Variants in SMAD4 observed in about 807,000 individuals in gnomAD.
The protein encoded by SMAD4 is MAD homolog 4.
A neutral mutation model predicts 63.2 loss-of-function variants in SMAD4; 7 were observed. The ratio of observed to expected loss-of-function variants is 0.11; its 90% CI spans 0.06 to 0.21. The LOEUF (loss-of-function observed/expected upper bound fraction) is 0.21. SMAD4 is among the 10% of genes least tolerant of loss of function. The pLI is 1.00. For synonymous variants in SMAD4, 215 were observed against 235.4 expected, an observed-to-expected ratio of 0.91 and a Z score of 0.79; for missense variants, 312 against 693.8, an observed-to-expected ratio of 0.45 and a Z score of 6.18.
At position 51,076,451 on chromosome 18, in the gene SMAD4, G is replaced by C. The variant is rs985767427; in HGVS notation, c.1309-187G>C. On this transcript the variant is annotated intron_variant, in intron 10 of 11. Coordinates refer to ENST00000342988, the MANE Select transcript of SMAD4 (RefSeq NM_005359.6). ...GATGTTGACATGATCTTCTTGGTGA[G>C]CTCCAAGCCACCTTTCCTAACTAGT... Among the ~76,000 whole-genome samples, 6 of 152,190 alleles carry C rather than the reference G, an allele frequency of 3.9e-5. No individual in the cohort carries two copies. In the East Asian group the frequency reaches 1.2e-3, roughly 29 times the overall value.
intron 1 of SMAD4, among the ~76,000 whole-genome samples, chr18:51,041,565 C>T (rs1909384079): frequency 6.6e-6 from 1 of 152,222 alleles, no homozygotes; most frequent in Non-Finnish European, 1.5e-5. Flanking sequence ...TATATTGCCT[C>T]CAGATGTTGC....
chr18:51,050,352 T>C (rs1220843579), intron 4 of SMAD4, among the ~76,000 whole-genome samples: 1 of 129,780 alleles, frequency 7.7e-6, no homozygotes, highest in Non-Finnish European at 1.6e-5. Context: ...AGCGAAACTG[T>C]CTCAAAAAAA....
intron 2 of SMAD4, among the ~76,000 whole-genome samples, chr18:51,047,954 A>T (rs190477956): frequency 6.6e-6 from 1 of 152,060 alleles, no homozygotes; most frequent in Non-Finnish European, 1.5e-5. Context: ...AAACAACCGG[A>T]TTACACTTAG....
In SMAD4 at chr18:51,030,308, G is replaced by C. The variant is rs535203415; in HGVS notation, c.-443G>C. ...GAGCGGTTTGGGTGGCGGAGCCTGCGTTCGCGCCTTCCCGCTCTCCTCGGG... is the reference window on the plus strand; with the variant it reads ...GAGCGGTTTGGGTGGCGGAGCCTGCCTTCGCGCCTTCCCGCTCTCCTCGGG... On this transcript the variant is annotated 5_prime_UTR_variant, in exon 1 of 12. Transcript: ENST00000342988. 1.3e-5 allele frequency: 2 copies of C among 152,862 alleles called. No individual in the cohort carries two copies. Among genetic ancestry groups the C allele is most frequent in the South Asian group, 4.1e-4 (2 of 4,836 alleles). 9.5% of individuals were successfully genotyped at this position (152,862 alleles called of 1,614,324 possible).
intron 10 of SMAD4, among the ~76,000 whole-genome samples, chr18:51,073,378 TATATATATATACACAC>T (rs1910372540): frequency 1.2e-5 from 1 of 86,020 alleles, no homozygotes; most frequent in Non-Finnish European, 2.4e-5. Context: ...TATATATATA[TATATATATATACACAC>T]ACACACACAC....
At chr18:51,049,043 C>T (rs1909630029) in intron 3 of SMAD4, among the ~76,000 whole-genome samples, 183 bp downstream of exon 3, 1 of 152,176 alleles carries the variant, frequency 6.6e-6, no homozygotes, top group Admixed American at 6.5e-5. Context: ...TATATTTTGA[C>T]TGCTAAAACC....
At chr18:51,034,916 T>C (rs529630823) in intron 1 of SMAD4, among the ~76,000 whole-genome samples, 2 of 152,356 alleles carry the variant, frequency 1.3e-5, no homozygotes, top group African/African-American at 4.8e-5. Context: ...ACCTGAATTC[T>C]AGCCCCAGAA....
intron 1 of SMAD4, among the ~76,000 whole-genome samples, chr18:51,042,371 TCCTCCCTCCCTG>T (rs1340255240): frequency 1.5e-5 from 2 of 134,872 alleles, no homozygotes; most frequent in East Asian, 2.5e-4. Context: ...TCTTTTTCCT[TCCTCCCTCCCTG>T]CCTCCCTCCC....
In SMAD4 at chr18:51,030,455, C is replaced by A. The variant is rs987077440; in HGVS notation, c.-296C>A. On this transcript the variant is annotated 5_prime_UTR_variant, in exon 1 of 12. Coordinates refer to ENST00000342988, the MANE Select transcript of SMAD4 (RefSeq NM_005359.6). ...GGGCGGCCCGGGAGCTCGAGGCGGT[C>A]CGGCCCGCGCGGGCAGCGGCGCGGC... 6.6e-6 allele frequency: 1 copy of A among 150,504 alleles called. No individual in the cohort carries two copies. The highest frequency in any genetic ancestry group is 2.4e-5 in the African/African-American group (1 of 41,168). 9.3% of individuals were successfully genotyped at this position (150,504 alleles called of 1,614,324 possible).
At chr18:51,059,300 G>C (rs1331539813) in intron 7 of SMAD4, among the ~76,000 whole-genome samples, 4 of 152,184 alleles carry the variant, frequency 2.6e-5, no homozygotes, top group Non-Finnish European at 5.9e-5. Context: ...CCTTTAACAG[G>C]CTGTGTGACC....
At chr18:51,043,340 C>G (rs1909445270) in intron 1 of SMAD4, among the ~76,000 whole-genome samples, 1 of 152,132 alleles carries the variant, frequency 6.6e-6, no homozygotes, top group Non-Finnish European at 1.5e-5. Flanking sequence ...GTTGTTGCAT[C>G]TAATTACCAC....
intron 1 of SMAD4, among the ~76,000 whole-genome samples, chr18:51,046,436 G>A (rs1909543215): frequency 7.6e-6 from 1 of 131,110 alleles, no homozygotes; most frequent in Non-Finnish European, 1.7e-5. Flanking sequence ...TCTAAATTGG[G>A]GTTTTTTTTT....
chr18:51,057,116 AATGTG>A (rs1909866356), intron 5 of SMAD4, among the ~76,000 whole-genome samples: 1 of 152,166 alleles, frequency 6.6e-6, no homozygotes, highest in Admixed American at 6.5e-5. Context: ...GCTTTAAGGA[AATGTG>A]ATATGTAAAG....
chr18:51,033,651 A>G (rs993662512), intron 1 of SMAD4, among the ~76,000 whole-genome samples: 3 of 152,252 alleles, frequency 2.0e-5, no homozygotes, highest in African/African-American at 7.2e-5. Context: ...CTGTTTGCAT[A>G]TATCAAGCAT....
intron 11 of SMAD4, 132 bp from the exon 12 acceptor site, chr18:51,078,124 C>A: frequency 1.3e-6 from 1 of 782,158 alleles, no homozygotes; most frequent in Non-Finnish European, 2.2e-6. Context: ...TACTTCTTGG[C>A]ACTTTAGCAG....
intron 4 of SMAD4, among the ~76,000 whole-genome samples, chr18:51,052,107 C>T (rs1369087599): frequency 1.3e-5 from 2 of 152,060 alleles, no homozygotes; most frequent in African/African-American, 2.4e-5. Context: ...CCACTGCACC[C>T]AGCCCTCTTA....
At chr18:51,056,473 C>T (rs1363728037) in intron 5 of SMAD4, among the ~76,000 whole-genome samples, 1 of 151,394 alleles carries the variant, frequency 6.6e-6, no homozygotes, top group East Asian at 1.9e-4. Flanking sequence ...TCAAAATGTT[C>T]CCTTATGTGG....
intron 4 of SMAD4, chr18:51,052,785 A>AT (rs1162980173): frequency 1.0e-5 from 2 of 190,904 alleles, no homozygotes; most frequent in Admixed American, 1.1e-4. Flanking sequence ...CAAAAAATAC[A>AT]TACCTCCTTT....
chr18:51,043,174 A>G (rs1218209857), intron 1 of SMAD4, among the ~76,000 whole-genome samples: 1 of 152,234 alleles, frequency 6.6e-6, no homozygotes, highest in African/African-American at 2.4e-5. Context: ...AGGTGGTGAT[A>G]TAAATTATTT....
Sources: gnomAD v4.1 joint callset for allele counts (sites outside exome capture counted in the v4.1 genomes callset) on GRCh38, gnomAD v4.1.1 for gene constraint, MANE v1.5 for transcripts, NCBI Gene and HGNC (gene_info 2026-07-23, HGNC 2026-07-21) for gene names.